Variants in SHROOM3 observed in about 807,000 individuals in gnomAD.
The protein encoded by SHROOM3 is protein Shroom3.
SHROOM3 carries 47 observed loss-of-function variants against 138.6 expected under a neutral mutation model. The ratio of observed to expected loss-of-function variants is 0.34; its 90% CI spans 0.27 to 0.43. SHROOM3 has a LOEUF of 0.43. Among genes scored for constraint, SHROOM3 ranks in the 20% least tolerant of loss-of-function variants. The pLI is 1.00. For synonymous variants in SHROOM3, 1,062 were observed against 1,063.3 expected (o/e 1.00, Z 0.02); for missense variants, 2,491 against 2,596.5 (o/e 0.96, Z 0.88).
chr4:76,744,835 T>C (rs569304412), intron 5 of SHROOM3, among the ~76,000 whole-genome samples: 2 of 152,212 alleles, frequency 1.3e-5, no homozygotes, highest in Non-Finnish European at 2.9e-5. Context: ...ATTTTACAAG[T>C]TTTTGACAAG....
At chr4:76,706,663 T>C (rs986539790) in intron 2 of SHROOM3, among the ~76,000 whole-genome samples, 4 of 152,188 alleles carry the variant, frequency 2.6e-5, no homozygotes, top group Admixed American at 1.3e-4. Context: ...ACCCACGTAG[T>C]TCAAGCTTCT....
intron 1 of SHROOM3, among the ~76,000 whole-genome samples, chr4:76,492,520 A>G (rs568599793): frequency 6.6e-6 from 1 of 152,322 alleles, no homozygotes; most frequent in East Asian, 1.9e-4. Flanking sequence ...ATTTAGTACC[A>G]ACTTCACCAT....
chr4:76,616,868 TAAC>T (rs1201220663), intron 2 of SHROOM3, among the ~76,000 whole-genome samples: 4 of 152,080 alleles, frequency 2.6e-5, no homozygotes, highest in Non-Finnish European at 5.9e-5. Flanking sequence ...CCTAAAGAAA[TAAC>T]AATAATTGGT....
At chr4:76,636,701 GT>G (rs1441922081) in intron 2 of SHROOM3, among the ~76,000 whole-genome samples, 1 of 152,174 alleles carries the variant, frequency 6.6e-6, no homozygotes, top group Non-Finnish European at 1.5e-5. Flanking sequence ...TGTTAGATGA[GT>G]TGGCGTGTCT....
At chr4:76,521,637 C>T (rs1160858687) in intron 1 of SHROOM3, among the ~76,000 whole-genome samples, 1 of 152,152 alleles carries the variant, frequency 6.6e-6, no homozygotes, top group Non-Finnish European at 1.5e-5. Context: ...ACGGCAAAGT[C>T]ATTGTGCCCC....
chr4:76,566,176 C>T (rs907318079), intron 2 of SHROOM3, among the ~76,000 whole-genome samples: 1 of 151,854 alleles, frequency 6.6e-6, no homozygotes, highest in South Asian at 2.1e-4. Context: ...AAATGTACAG[C>T]CTTTTTTTCT....
In SHROOM3 at chr4:76,783,144, A is replaced by G. The variant is rs1487571004; in HGVS notation, c.*3967A>G. The G allele has an allele frequency of 1.3e-5, 2 of 152,238 alleles. No homozygotes were observed. The highest frequency in any genetic ancestry group is 3.8e-4 in the East Asian group (2 of 5,206). 9.4% of individuals were successfully genotyped at this position (152,238 alleles called of 1,614,324 possible). A position where few individuals can be genotyped will look rare whatever the true frequency, so the allele number is the denominator to read the frequency against. On this transcript the variant is annotated 3_prime_UTR_variant, in exon 11 of 11. Transcript: ENST00000296043. The stretch of plus-strand genomic sequence containing the variant: ...AATCATCTGTACAGTTCCTACTGTT[A>G]TGATCACAATAAGACTAACATGAAT...
chr4:76,545,379 G>A (rs914238307), intron 1 of SHROOM3, among the ~76,000 whole-genome samples: 5 of 152,026 alleles, frequency 3.3e-5, no homozygotes, highest in African/African-American at 1.2e-4. Flanking sequence ...AAGAACTGTG[G>A]GTGTTTCTTG....
intron 1 of SHROOM3, among the ~76,000 whole-genome samples, chr4:76,460,236 A>G (rs1178286106): frequency 1.1e-4 from 17 of 152,198 alleles, no homozygotes; most frequent in African/African-American, 3.9e-4. Flanking sequence ...TTTGCCTTCA[A>G]TTCAGTAAAA....
intron 2 of SHROOM3, among the ~76,000 whole-genome samples, chr4:76,681,617 G>GTA (rs1719198172): frequency 7.0e-6 from 1 of 142,272 alleles, no homozygotes; most frequent in South Asian, 2.4e-4. Flanking sequence ...GTGTGTGTGT[G>GTA]TGTGTGTGTG....
At chr4:76,576,481 A>G (rs1397565466) in intron 2 of SHROOM3, among the ~76,000 whole-genome samples, 1 of 152,176 alleles carries the variant, frequency 6.6e-6, no homozygotes, top group Non-Finnish European at 1.5e-5. Flanking sequence ...AGAGAGTAGA[A>G]GGATGGTTAC....
At chr4:76,542,643 A>G (rs147287210) in intron 1 of SHROOM3, among the ~76,000 whole-genome samples, 1 of 152,338 alleles carries the variant, frequency 6.6e-6, no homozygotes, top group Non-Finnish European at 1.5e-5. Flanking sequence ...AAGGAAAGGA[A>G]ACCAATTCTA....
chr4:76,772,091 T>TTTTTTC (rs1223708899), intron 10 of SHROOM3, among the ~76,000 whole-genome samples: 8 of 130,596 alleles, frequency 6.1e-5, no homozygotes, highest in Admixed American at 7.4e-5. Flanking sequence ...TGCTACCATC[T>TTTTTTC]TTTTTCTTTT....
At chr4:76,763,624 G>A (rs899647591) in intron 9 of SHROOM3, among the ~76,000 whole-genome samples, 3 of 152,126 alleles carry the variant, frequency 2.0e-5, no homozygotes, top group Non-Finnish European at 4.4e-5. Flanking sequence ...CAAACAGTGG[G>A]AGATGAGGCT....
chr4:76,516,123 G>A (rs1239982748), intron 1 of SHROOM3, among the ~76,000 whole-genome samples: 1 of 152,180 alleles, frequency 6.6e-6, no homozygotes, highest in Non-Finnish European at 1.5e-5. Context: ...CTTCTTTGAA[G>A]TCACCACAGA....
chr4:76,689,435 C>T (rs979040124), intron 2 of SHROOM3: 7 of 790,330 alleles, frequency 8.9e-6, no homozygotes, highest in Non-Finnish European at 1.1e-5. Flanking sequence ...CCGGGCGGGA[C>T]GAGAGGTGGG....
At chr4:76,749,188 T>A in intron 6 of SHROOM3, 98 bp downstream of exon 6, 1 of 1,150,806 alleles carries the variant, frequency 8.7e-7, no homozygotes, top group Non-Finnish European at 1.3e-6. Flanking sequence ...TGATGTCATA[T>A]AGTGTCACAT....
chr4:76,753,504 C>T (rs1244084567), intron 6 of SHROOM3, among the ~76,000 whole-genome samples: 2 of 152,170 alleles, frequency 1.3e-5, no homozygotes, highest in African/African-American at 2.4e-5. Context: ...GTACAAATCA[C>T]GGTGGGTTTG....
intron 2 of SHROOM3, among the ~76,000 whole-genome samples, chr4:76,660,226 C>T (rs1349029020): frequency 6.6e-6 from 1 of 152,248 alleles, no homozygotes. Context: ...ATAGAATAAA[C>T]CCACAAGGAG....
Sources: gnomAD v4.1 joint callset for allele counts (sites outside exome capture counted in the v4.1 genomes callset) on GRCh38, gnomAD v4.1.1 for gene constraint, MANE v1.5 for transcripts, NCBI Gene and HGNC (gene_info 2026-07-23, HGNC 2026-07-21) for gene names.